TEAD1: variants seen among roughly 807,000 people sequenced by gnomAD.
TEAD1 encodes TEA domain transcription factor 1.
A neutral mutation model predicts 54.9 loss-of-function variants in TEAD1; 9 were observed. The observed-to-expected ratio is 0.16, with a 90% confidence interval of 0.10 to 0.29. The LOEUF (loss-of-function observed/expected upper bound fraction) is 0.29, where lower values mean the gene tolerates loss of function less well. Among genes scored for constraint, TEAD1 ranks in the 10% least tolerant of loss-of-function variants. The pLI, the probability that TEAD1 is intolerant of heterozygous loss-of-function variation, is 1.00. For missense variants in TEAD1, 387 were observed against 535.9 expected (o/e 0.72, Z 2.74); for synonymous variants, 200 against 187.8 (o/e 1.07, Z -0.53).
Position 12,881,125 on chromosome 11 carries a change from C to T in TEAD1, c.512+74C>T, listed in dbSNP as rs112027620. 2.4e-5 allele frequency: 36 copies of T among 1,518,970 alleles called. 2 individuals carry two copies. Among genetic ancestry groups the T allele is most frequent in the African/African-American group, 2.3e-4 (17 of 72,870 alleles). The allele number at this position is 1,518,970 out of a possible 1,614,324, so 94.1% of individuals were successfully genotyped here. On this transcript the variant is annotated intron_variant, in intron 7 of 12. Transcript: ENST00000527636. ...CCACGTGGGGAGAGCTCTTCCTGGACCATAGTGTCTCAGGGCCTGGAGGAG... is the reference window on the plus strand; with the variant it reads ...CCACGTGGGGAGAGCTCTTCCTGGATCATAGTGTCTCAGGGCCTGGAGGAG...
chr11:12,933,800 C>T (rs1044776410), intron 12 of TEAD1, among the ~76,000 whole-genome samples: 7 of 152,104 alleles, frequency 4.6e-5, no homozygotes, highest in South Asian at 4.2e-4. Flanking sequence ...CAGGCCACCC[C>T]GAGGTCACAG....
At chr11:12,930,379 A>G (rs2727360) in intron 12 of TEAD1, 53 bp downstream of exon 12, 1,599,578 of 1,610,548 alleles carry the variant, frequency 0.99, 794,903 homozygotes, top group East Asian at 1. Flanking sequence ...GAGGCTTGAC[A>G]GAAGTGAGGA....
intron 2 of TEAD1, among the ~76,000 whole-genome samples, chr11:12,687,753 C>T (rs935987171): frequency 1.3e-5 from 2 of 152,104 alleles, no homozygotes; most frequent in African/African-American, 4.8e-5. Context: ...CTCAGTTGAG[C>T]CTTTCAGAGA....
rs373139360 is a variant in TEAD1 at position 12,833,819 on chromosome 11, C to T, written c.203-28431C>T. Among the ~76,000 whole-genome samples the T allele has an allele frequency of 2.6e-5, 4 of 152,184 alleles. No individual in the cohort carries two copies. The East Asian group carries it at 7.7e-4, about 29-fold the overall frequency. On this transcript the variant is annotated intron_variant, in intron 3 of 12. Transcript: ENST00000527636. Reference sequence around the variant, plus strand: ...TCTTTAATTAGTCATTTTATAGATTCCCACTCATTCTTCAAGAATCCCATA... The same window carrying T: ...TCTTTAATTAGTCATTTTATAGATTTCCACTCATTCTTCAAGAATCCCATA...
At chr11:12,868,928 G>A (rs1717689787) in intron 5 of TEAD1, among the ~76,000 whole-genome samples, 1 of 152,226 alleles carries the variant, frequency 6.6e-6, no homozygotes, top group Non-Finnish European at 1.5e-5. Flanking sequence ...GGCTGCCCAA[G>A]TGAAAAGAAT....
intron 10 of TEAD1, 77 bp from the exon 11 acceptor site, chr11:12,924,835 T>A (rs1948879940): frequency 6.4e-7 from 1 of 1,573,860 alleles, no homozygotes; most frequent in Non-Finnish European, 8.7e-7. Flanking sequence ...GCAGAGGTCT[T>A]ACCCTGAAAG....
chr11:12,759,338 C>T (rs1420779110), intron 2 of TEAD1, among the ~76,000 whole-genome samples: 1 of 148,412 alleles, frequency 6.7e-6, no homozygotes, highest in African/African-American at 2.6e-5. Flanking sequence ...TGTGATATCT[C>T]CACTGTACTC....
rs1162825859 is a variant in TEAD1, at chr11:12,902,183, G to A, written c.873+70G>A. The A allele has an allele frequency of 6.3e-6, 10 of 1,593,190 alleles. 1 individual carries two copies. In the Admixed American group the frequency reaches 1.5e-4, roughly 24 times the overall value. On this transcript the variant is annotated intron_variant, in intron 10 of 12. Transcript: ENST00000527636. Reference sequence around the variant, plus strand: ...GTCACATCTCTTACATGAGCACAGTGCAGCACAGCTGGCTTTGGATTTACA... The same window carrying A: ...GTCACATCTCTTACATGAGCACAGTACAGCACAGCTGGCTTTGGATTTACA...
rs570178893 is a variant in TEAD1, at chr11:12,789,925, A to G, written c.202+25491A>G. On this transcript the variant is annotated intron_variant, in intron 3 of 12. Transcript: ENST00000527636. Reference sequence around the variant, plus strand: ...ACCTTGGTGGGGGGCTGCTGCTTCCAGCTGCTTTGCAGCTTCTGTCAGGCC... The same window carrying G: ...ACCTTGGTGGGGGGCTGCTGCTTCCGGCTGCTTTGCAGCTTCTGTCAGGCC... Among the ~76,000 whole-genome samples the G allele has an allele frequency of 2.6e-5, 4 of 152,376 alleles. No individual in the cohort carries two copies. The South Asian group carries it at 8.3e-4, about 32-fold the overall frequency.
intron 2 of TEAD1, among the ~76,000 whole-genome samples, chr11:12,736,620 ATGCT>A (rs1944537918): frequency 6.6e-6 from 1 of 152,180 alleles, no homozygotes; most frequent in African/African-American, 2.4e-5. Context: ...CTTGTGAATG[ATGCT>A]TGAATATATT....
chr11:12,901,892 G>T (rs1294336367), intron 9 of TEAD1, 48 bp from the exon 10 acceptor site: 1 of 1,612,958 alleles, frequency 6.2e-7, no homozygotes, highest in East Asian at 2.2e-5. Flanking sequence ...TGAGTTCCAG[G>T]TTGATCAAAG....
intron 2 of TEAD1, among the ~76,000 whole-genome samples, chr11:12,681,877 C>T (rs1399060967): frequency 6.6e-6 from 1 of 152,240 alleles, no homozygotes; most frequent in Non-Finnish European, 1.5e-5. Flanking sequence ...ATGGCTAACT[C>T]AGGATGGTTC....
In TEAD1 at chr11:12,896,316, G is replaced by C. The variant is rs147029351; in HGVS notation, c.700-5624G>C. The stretch of plus-strand genomic sequence containing the variant: ...TCCTCAGCTCCACGGATCCACTCTG[G>C]ACTGGTTGCTGACCTGGCTGGTTTC... On this transcript the variant is annotated intron_variant, in intron 9 of 12. Transcript: ENST00000527636. Among the ~76,000 whole-genome samples, 63 of 152,236 alleles carry C rather than the reference G, an allele frequency of 4.1e-4. 1 individual carries two copies. The highest frequency in any genetic ancestry group is 1.4e-3 in the African/African-American group (59 of 41,540).
chr11:12,805,254 A>G lies in TEAD1; in HGVS notation c.202+40820A>G, dbSNP rs78473184. Among the ~76,000 whole-genome samples the G allele has an allele frequency of 7.3e-3, 1,113 of 152,296 alleles. 12 individuals are homozygous for G. The highest frequency in any genetic ancestry group is 0.025 in the African/African-American group (1,060 of 41,570). On this transcript the variant is annotated intron_variant, in intron 3 of 12. Coordinates refer to ENST00000527636, the MANE Select transcript of TEAD1 (RefSeq NM_021961.6). ...ACATGCTAGTAATGAAGGAAGATGTATATCACAATGAACATGCCTGCTTTA... is the reference window on the plus strand; with the variant it reads ...ACATGCTAGTAATGAAGGAAGATGTGTATCACAATGAACATGCCTGCTTTA...
At chr11:12,771,870 G>A (rs919695989) in intron 3 of TEAD1, among the ~76,000 whole-genome samples, 1 of 152,198 alleles carries the variant, frequency 6.6e-6, no homozygotes, top group African/African-American at 2.4e-5. Flanking sequence ...GAAAAGGGAA[G>A]ACAGATTAGT....
At chr11:12,706,534 A>G (rs1943818127) in intron 2 of TEAD1, among the ~76,000 whole-genome samples, 3 of 152,206 alleles carry the variant, frequency 2.0e-5, no homozygotes, top group Non-Finnish European at 4.4e-5. Flanking sequence ...TCTGTTTTGT[A>G]TATTGTGGTT....
chr11:12,722,649 C>CTT (rs5789737), intron 2 of TEAD1, among the ~76,000 whole-genome samples: 39 of 140,160 alleles, frequency 2.8e-4, no homozygotes, highest in South Asian at 2.5e-3. Context: ...CTCTCTCTTT[C>CTT]TTTTTTTTTT....
chr11:12,750,518 T>G (rs1417386185), intron 2 of TEAD1, among the ~76,000 whole-genome samples: 1 of 152,120 alleles, frequency 6.6e-6, no homozygotes, highest in Non-Finnish European at 1.5e-5. Flanking sequence ...TATATAACAT[T>G]CTCTGTTCTT....
chr11:12,676,837 T>C (rs954879254), intron 2 of TEAD1, among the ~76,000 whole-genome samples: 3 of 152,204 alleles, frequency 2.0e-5, no homozygotes, highest in African/African-American at 4.8e-5. Context: ...AATTCTTTTA[T>C]TTATTGTTGG....
Sources: allele counts gnomAD v4.1 joint callset (sites outside exome capture counted in the v4.1 genomes callset), GRCh38; gene constraint gnomAD v4.1.1; transcripts MANE v1.5; gene names NCBI Gene and HGNC (gene_info 2026-07-23, HGNC 2026-07-21).